PPP3CA: variants seen among roughly 807,000 people sequenced by gnomAD.
PPP3CA encodes CAM-PRP catalytic subunit.
In PPP3CA, 14 loss-of-function variants were observed where a neutral mutation model predicts 66.5. The ratio of observed to expected loss-of-function variants is 0.21; its 90% CI spans 0.14 to 0.33. The LOEUF is 0.33. PPP3CA is among the 10% of genes least tolerant of loss of function. PPP3CA has a pLI of 1.00. For synonymous variants in PPP3CA, 232 were observed against 226.2 expected (o/e 1.03, Z -0.23); for missense variants, 317 against 639.5 (o/e 0.50, Z 5.44).
intron 1 of PPP3CA, among the ~76,000 whole-genome samples, chr4:101,302,569 T>A (rs976520711): frequency 1.3e-5 from 2 of 152,186 alleles, no homozygotes; most frequent in African/African-American, 2.4e-5. Context: ...TCACTCTTGT[T>A]GCCCAGGCTG....
intron 1 of PPP3CA, among the ~76,000 whole-genome samples, chr4:101,225,919 T>C (rs1450200944): frequency 6.6e-6 from 1 of 151,772 alleles, no homozygotes; most frequent in Non-Finnish European, 1.5e-5. Context: ...TGTGTTTCAG[T>C]GTGGGGAGTA....
intron 1 of PPP3CA, among the ~76,000 whole-genome samples, chr4:101,345,236 A>C (rs1434969797): frequency 6.6e-6 from 1 of 152,224 alleles, no homozygotes; most frequent in Admixed American, 6.5e-5. Context: ...TTCTGAAAAA[A>C]GGGAACGTAA....
intron 11 of PPP3CA, among the ~76,000 whole-genome samples, chr4:101,035,427 A>T (rs1205867820): frequency 1.3e-5 from 2 of 152,172 alleles, no homozygotes; most frequent in South Asian, 4.1e-4. Context: ...AATCTTCAAA[A>T]TTTTAATTTT....
chr4:101,322,739 G>T (rs147789226), intron 1 of PPP3CA, among the ~76,000 whole-genome samples: 92 of 152,160 alleles, frequency 6.0e-4, no homozygotes, highest in Non-Finnish European at 1.0e-3. Context: ...TAAAGATGCA[G>T]CCTTTGCATC....
At chr4:101,292,763 T>C (rs776787301) in intron 1 of PPP3CA, among the ~76,000 whole-genome samples, 51 of 152,272 alleles carry the variant, frequency 3.3e-4, no homozygotes, top group Middle Eastern at 6.8e-3. Context: ...AAACAAGGGG[T>C]TGGGTGGATA....
intron 2 of PPP3CA, among the ~76,000 whole-genome samples, chr4:101,120,104 T>C (rs1222096450): frequency 6.6e-6 from 1 of 152,132 alleles, no homozygotes; most frequent in Non-Finnish European, 1.5e-5. Flanking sequence ...TGAACCCATT[T>C]ATTAATTCTG....
At chr4:101,166,319 T>C (rs1350923971) in intron 2 of PPP3CA, among the ~76,000 whole-genome samples, 1 of 152,138 alleles carries the variant, frequency 6.6e-6, no homozygotes, top group Non-Finnish European at 1.5e-5. Flanking sequence ...GCCAAAATAT[T>C]ACACAATTGT....
At chr4:101,323,008 A>C (rs2110324141) in intron 1 of PPP3CA, among the ~76,000 whole-genome samples, 1 of 152,354 alleles carries the variant, frequency 6.6e-6, no homozygotes, top group Non-Finnish European at 1.5e-5. Flanking sequence ...GAACAGCATT[A>C]AAATAAGTAA....
intron 1 of PPP3CA, among the ~76,000 whole-genome samples, chr4:101,308,572 A>G (rs1287499374): frequency 6.6e-6 from 1 of 152,042 alleles, no homozygotes; most frequent in African/African-American, 2.4e-5. Context: ...CAGCCTCCCA[A>G]GTAGCTGGGA....
chr4:101,336,667 T>C (rs1488797149), intron 1 of PPP3CA, among the ~76,000 whole-genome samples: 1 of 152,100 alleles, frequency 6.6e-6, no homozygotes, highest in African/African-American at 2.4e-5. Flanking sequence ...TGGAATTCTG[T>C]AGGACAATGC....
intron 2 of PPP3CA, among the ~76,000 whole-genome samples, chr4:101,167,315 G>T (rs747703849): frequency 6.6e-6 from 1 of 152,054 alleles, no homozygotes; most frequent in South Asian, 2.1e-4. Context: ...TTTTGTGTTT[G>T]TTTTTTGAGT....
intron 2 of PPP3CA, among the ~76,000 whole-genome samples, chr4:101,111,786 T>C (rs971496740): frequency 6.6e-6 from 1 of 152,290 alleles, no homozygotes; most frequent in Non-Finnish European, 1.5e-5. Context: ...GAATTAAATG[T>C]GTTAATATCG....
intron 2 of PPP3CA, among the ~76,000 whole-genome samples, chr4:101,169,445 G>T (rs1479986659): frequency 6.6e-6 from 1 of 152,130 alleles, no homozygotes; most frequent in Non-Finnish European, 1.5e-5. Flanking sequence ...GTCATGAGAC[G>T]TGTAGTGCAG....
chr4:101,278,186 T>G (rs190494869), intron 1 of PPP3CA, among the ~76,000 whole-genome samples: 1 of 151,518 alleles, frequency 6.6e-6, no homozygotes, highest in Non-Finnish European at 1.5e-5. Context: ...AAATTCAATG[T>G]TATGAAATAA....
chr4:101,206,480 A>C (rs1725133685), intron 1 of PPP3CA, among the ~76,000 whole-genome samples: 1 of 152,242 alleles, frequency 6.6e-6, no homozygotes, highest in South Asian at 2.1e-4. Context: ...GATAATTTGC[A>C]TCCATACGTA....
intron 2 of PPP3CA, among the ~76,000 whole-genome samples, chr4:101,124,009 C>T (rs899433791): frequency 2.6e-5 from 4 of 152,154 alleles, no homozygotes; most frequent in Non-Finnish European, 4.4e-5. Context: ...CCTACTATAC[C>T]ACAGCTTTCT....
At chr4:101,159,220 A>C (rs1560632804) in intron 2 of PPP3CA, among the ~76,000 whole-genome samples, 1 of 152,184 alleles carries the variant, frequency 6.6e-6, no homozygotes. Context: ...TAGGTGGTAG[A>C]AAGTTGGAAC....
intron 1 of PPP3CA, among the ~76,000 whole-genome samples, chr4:101,236,879 G>C (rs533721817): frequency 1.3e-5 from 2 of 151,298 alleles, no homozygotes; most frequent in South Asian, 4.2e-4. Context: ...TTAAGTCTTG[G>C]TTTTTCTGCC....
intron 1 of PPP3CA, among the ~76,000 whole-genome samples, chr4:101,248,978 G>A (rs1455254519): frequency 6.6e-6 from 1 of 151,208 alleles, no homozygotes; most frequent in Non-Finnish European, 1.5e-5. Context: ...GGCTAACAAG[G>A]TGAAACCCCG....
Sources: gnomAD v4.1 joint callset for allele counts (sites outside exome capture counted in the v4.1 genomes callset) on GRCh38, gnomAD v4.1.1 for gene constraint, MANE v1.5 for transcripts, NCBI Gene and HGNC (gene_info 2026-07-23, HGNC 2026-07-21) for gene names.